Variants in SAMD5 observed in about 807,000 individuals in gnomAD.
SAMD5 encodes the protein sterile alpha motif domain-containing protein 5.
A neutral mutation model predicts 11.3 loss-of-function variants in SAMD5; 13 were observed. The observed-to-expected ratio is 1.15, with a 90% CI of 0.75 to 1.83. SAMD5 has a LOEUF of 1.83. SAMD5 is among the 40% of genes most tolerant of loss of function. SAMD5 has a pLI of 0.00. For synonymous variants in SAMD5, 129 were observed against 111.3 expected, an observed-to-expected ratio of 1.16 and a Z score of -1.00; for missense variants, 255 against 239.1, an observed-to-expected ratio of 1.07 and a Z score of -0.44.
At chr6:147,740,559 G>A (rs1366181870), downstream of SAMD5, among the ~76,000 whole-genome samples, 2 of 152,200 alleles carry the variant, frequency 1.3e-5, no homozygotes, top group Non-Finnish European at 2.9e-5. Flanking sequence ...TCTGTGGCAC[G>A]GTGGGCTGAC....
chr6:147,951,011 C>T, the SAMD5 span, among the ~76,000 whole-genome samples: 1 of 151,034 alleles, frequency 6.6e-6, no homozygotes, highest in East Asian at 1.9e-4. Flanking sequence ...AGTAGCCAGG[C>T]TTGGCTCTCC....
At chr6:147,549,453 C>T (rs1309707040) in intron 1 of SAMD5, among the ~76,000 whole-genome samples, 1 of 152,164 alleles carries the variant, frequency 6.6e-6, no homozygotes, top group Non-Finnish European at 1.5e-5. Context: ...CAAACCTTGA[C>T]AAATGAGTAA....
intron 1 of SAMD5, chr6:147,730,110 A>C: frequency 2.3e-6 from 1 of 437,268 alleles, no homozygotes; most frequent in African/African-American, 2.1e-5. Flanking sequence ...AAAAAAGAAA[A>C]GGAAATGGGT....
At chr6:147,887,720 AC>A in the SAMD5 span, among the ~76,000 whole-genome samples, 1 of 152,178 alleles carries the variant, frequency 6.6e-6, no homozygotes, top group Non-Finnish European at 1.5e-5. Context: ...GTCATATGGT[AC>A]CTATGTTTAA....
At chr6:147,904,892 T>C in the SAMD5 span, among the ~76,000 whole-genome samples, 3 of 24,798 alleles carry the variant, frequency 1.2e-4, no homozygotes, top group African/African-American at 3.4e-4. Context: ...ACTTTATGCC[T>C]TTTTTTTTTT....
chr6:147,688,009 G>A (rs1490011614), intron 1 of SAMD5, among the ~76,000 whole-genome samples: 1 of 151,732 alleles, frequency 6.6e-6, no homozygotes, highest in Non-Finnish European at 1.5e-5. Context: ...GTTTCTTCTG[G>A]GCCATTTTCT....
At chr6:147,781,317 GGC>G in the SAMD5 span, among the ~76,000 whole-genome samples, 2 of 151,206 alleles carry the variant, frequency 1.3e-5, no homozygotes, top group Non-Finnish European at 2.9e-5. Context: ...CACCATTCCT[GGC>G]TAATTTAAAA....
At chr6:147,548,366 T>C (rs1788717994) in intron 1 of SAMD5, among the ~76,000 whole-genome samples, 1 of 152,210 alleles carries the variant, frequency 6.6e-6, no homozygotes, top group African/African-American at 2.4e-5. Flanking sequence ...CTTACTGTCT[T>C]TCTAGAACGT....
intron 1 of SAMD5, among the ~76,000 whole-genome samples, chr6:147,526,630 C>T (rs954511462): frequency 6.6e-6 from 1 of 152,190 alleles, no homozygotes; most frequent in African/African-American, 2.4e-5. Flanking sequence ...ATACTGGAAG[C>T]TAAGGGAACT....
chr6:147,619,340 G>T (rs1011980415), intron 1 of SAMD5, among the ~76,000 whole-genome samples: 1 of 152,226 alleles, frequency 6.6e-6, no homozygotes, highest in African/African-American at 2.4e-5. Flanking sequence ...AATGCATTGG[G>T]TTATTTACTT....
At chr6:147,634,235 A>G (rs1406469724) in intron 1 of SAMD5, among the ~76,000 whole-genome samples, 1 of 152,158 alleles carries the variant, frequency 6.6e-6, no homozygotes, top group Non-Finnish European at 1.5e-5. Flanking sequence ...GCTGTACAGG[A>G]AGTATAGCTG....
chr6:147,764,649 A>C, the SAMD5 span, among the ~76,000 whole-genome samples: 5 of 152,174 alleles, frequency 3.3e-5, no homozygotes, highest in Admixed American at 6.5e-5. Flanking sequence ...GATGACCTAA[A>C]TGTCCCAAAT....
At chr6:147,529,359 A>AT (rs1240458541) in intron 1 of SAMD5, among the ~76,000 whole-genome samples, 1 of 152,204 alleles carries the variant, frequency 6.6e-6, no homozygotes, top group Non-Finnish European at 1.5e-5. Flanking sequence ...CCCCAATATT[A>AT]TTCAAGAATA....
At chr6:147,705,637 T>C (rs1791315510) in intron 1 of SAMD5, among the ~76,000 whole-genome samples, 1 of 152,190 alleles carries the variant, frequency 6.6e-6, no homozygotes, top group Non-Finnish European at 1.5e-5. Context: ...CAAGGTGCAT[T>C]GTGTATTAAT....
At chr6:147,926,089 G>A in the SAMD5 span, among the ~76,000 whole-genome samples, 1 of 152,154 alleles carries the variant, frequency 6.6e-6, no homozygotes, top group African/African-American at 2.4e-5. Flanking sequence ...ATCTGTCGTT[G>A]ATGGGCACTT....
the SAMD5 span, among the ~76,000 whole-genome samples, chr6:147,897,739 G>A: frequency 3.3e-5 from 5 of 151,934 alleles, no homozygotes; most frequent in South Asian, 8.3e-4. Flanking sequence ...GAGGTCGGGG[G>A]TTTGAGACCA....
the SAMD5 span, among the ~76,000 whole-genome samples, chr6:147,809,789 G>T: frequency 6.6e-6 from 1 of 152,306 alleles, no homozygotes; most frequent in South Asian, 2.1e-4. Context: ...ATTCTTGGTT[G>T]TGAGGGCTGT....
At chr6:147,920,411 G>T in the SAMD5 span, among the ~76,000 whole-genome samples, 1 of 152,180 alleles carries the variant, frequency 6.6e-6, no homozygotes, top group African/African-American at 2.4e-5. Context: ...CAGACTGAAG[G>T]CTGCACTGTC....
the SAMD5 span, among the ~76,000 whole-genome samples, chr6:147,944,981 G>A: frequency 4.1e-3 from 630 of 152,174 alleles, 6 homozygotes; most frequent in African/African-American, 0.014. Flanking sequence ...GACATATTCC[G>A]CAACTGAGAT....
Sources: allele counts gnomAD v4.1 joint callset (sites outside exome capture counted in the v4.1 genomes callset), GRCh38; gene constraint gnomAD v4.1.1; transcripts MANE v1.5; gene names NCBI Gene and HGNC (gene_info 2026-07-23, HGNC 2026-07-21).